The following SMYD3 variants were observed in gnomAD, a reference collection of about 807,000 sequenced individuals.
SMYD3 encodes the protein histone-lysine N-methyltransferase SMYD3.
Under a neutral mutation model 57.7 loss-of-function variants are expected in SMYD3, and 36 were observed. The ratio of observed to expected loss-of-function variants is 0.62; its 90% confidence interval spans 0.48 to 0.82. SMYD3 has a LOEUF of 0.82. Ranked by LOEUF, SMYD3 falls within the 40% of genes least tolerant of loss-of-function variation. The pLI is 0.00. For missense variants in SMYD3, 515 were observed against 538.8 expected, an observed-to-expected ratio of 0.96 and a Z score of 0.44; for synonymous variants, 211 against 195.0, an observed-to-expected ratio of 1.08 and a Z score of -0.68.
At chr1:246,457,464 C>T (rs2067715566) in intron 1 of SMYD3, among the ~76,000 whole-genome samples, 1 of 136,236 alleles carries the variant, frequency 7.3e-6, no homozygotes, top group Non-Finnish European at 1.5e-5. Flanking sequence ...ACCTGGGATG[C>T]GGAGGGTGCA....
chr1:245,793,404 C>T (rs375078598), intron 10 of SMYD3, among the ~76,000 whole-genome samples: 11 of 152,272 alleles, frequency 7.2e-5, no homozygotes, highest in South Asian at 2.1e-4. Flanking sequence ...ACTAATTTGA[C>T]CATGCTTTCC....
At chr1:246,174,112 C>G (rs950143545) in intron 5 of SMYD3, among the ~76,000 whole-genome samples, 1 of 151,950 alleles carries the variant, frequency 6.6e-6, no homozygotes, top group East Asian at 1.9e-4. Flanking sequence ...ATCTGGCCAA[C>G]TTTATTTTTT....
At chr1:246,265,985 G>T (rs1253947317) in intron 5 of SMYD3, among the ~76,000 whole-genome samples, 1 of 152,124 alleles carries the variant, frequency 6.6e-6, no homozygotes, top group East Asian at 1.9e-4. Flanking sequence ...CCTTGTATTT[G>T]CTATTACAAA....
intron 4 of SMYD3, among the ~76,000 whole-genome samples, chr1:246,328,922 C>A (rs568070366): frequency 6.6e-6 from 1 of 151,500 alleles, no homozygotes; most frequent in Non-Finnish European, 1.5e-5. Context: ...TTCCCACCTA[C>A]GAGTGAGAAT....
chr1:246,234,802 C>T (rs1269235217), intron 5 of SMYD3, among the ~76,000 whole-genome samples: 1 of 151,994 alleles, frequency 6.6e-6, no homozygotes, highest in Non-Finnish European at 1.5e-5. Context: ...AGACAAGAAA[C>T]CTCTTTGACT....
chr1:246,404,112 C>T (rs376540520), intron 1 of SMYD3, among the ~76,000 whole-genome samples: 5 of 152,192 alleles, frequency 3.3e-5, no homozygotes, highest in East Asian at 1.9e-4. Context: ...ATCTTAAATT[C>T]GAATCACAAT....
chr1:246,302,086 G>A (rs952574442), intron 5 of SMYD3, among the ~76,000 whole-genome samples: 1 of 152,152 alleles, frequency 6.6e-6, no homozygotes, highest in Non-Finnish European at 1.5e-5. Flanking sequence ...GTGCATACCT[G>A]CCCCAAGCCC....
chr1:246,465,853 AC>A (rs2067874207), intron 1 of SMYD3, among the ~76,000 whole-genome samples: 1 of 152,168 alleles, frequency 6.6e-6, no homozygotes, highest in African/African-American at 2.4e-5. Context: ...GCTCACTGCA[AC>A]CTTGCCTCCT....
rs770396202 is a variant in SMYD3 at position 245,749,581 on chromosome 1, G to A, written c.1269C>T (p.Ala423=). 6.2e-7 allele frequency: 1 copy of A among 1,613,790 alleles called. No homozygotes were observed. Among genetic ancestry groups the A allele is most frequent in the Non-Finnish European group, 8.5e-7 (1 of 1,179,836 alleles). ...DLILLLEECD[A]NIRAS is the part of the protein sequence containing the mutation. ...CGTTCCCTTAGGATGCTCTGATGTT[G>A]GCGTCGCATTCTTCTAAAAGTAGAA... is the stretch of plus-strand genomic sequence containing the variant. The change falls in exon 12 of 12, where the codon GCC becomes GCT. Residue 423 remains alanine (A), a synonymous_variant. Coordinates refer to ENST00000490107, the MANE Select transcript of SMYD3 (RefSeq NM_001167740.2).
Position 246,299,046 on chromosome 1 carries a change from C to G in SMYD3, c.531+28155G>C, listed in dbSNP as rs1179264374. Among the ~76,000 whole-genome samples, 5 of 152,188 alleles carry G rather than the reference C, an allele frequency of 3.3e-5. No homozygotes were observed. The East Asian group carries it at 9.7e-4, about 29-fold the overall frequency. On this transcript the variant is annotated intron_variant, in intron 5 of 11. Transcript: ENST00000490107. ...AATGCAATATATATTAGAGCACAAC[C>G]TGGCAACATATATAAAAATGTAAAA...
intron 5 of SMYD3, among the ~76,000 whole-genome samples, chr1:246,311,433 A>G (rs1462956823): frequency 6.6e-6 from 1 of 152,270 alleles, no homozygotes; most frequent in Non-Finnish European, 1.5e-5. Context: ...TATCTCCAGG[A>G]AAGGATTTAC....
At chr1:245,821,487 C>G (rs1443787509) in intron 10 of SMYD3, among the ~76,000 whole-genome samples, 1 of 146,126 alleles carries the variant, frequency 6.8e-6, no homozygotes, top group Non-Finnish European at 1.5e-5. Flanking sequence ...TAGGCATGGG[C>G]AAGGACTTCA....
At chr1:246,391,463 G>C (rs1049713475) in intron 1 of SMYD3, among the ~76,000 whole-genome samples, 10 of 151,086 alleles carry the variant, frequency 6.6e-5, no homozygotes, top group African/African-American at 1.9e-4. Context: ...AAAAAGGAGA[G>C]GGGGAGAGAG....
At chr1:246,422,420 CT>C (rs35417324) in intron 1 of SMYD3, among the ~76,000 whole-genome samples, 48,029 of 151,012 alleles carry the variant, frequency 0.32, 7,953 homozygotes, top group East Asian at 0.35. Context: ...CAATGTTTGC[CT>C]TTTTTTTTAA....
intron 1 of SMYD3, among the ~76,000 whole-genome samples, chr1:246,447,870 G>A (rs1014953716): frequency 1.3e-5 from 2 of 152,142 alleles, no homozygotes; most frequent in Non-Finnish European, 2.9e-5. Flanking sequence ...GAAGAGGTGA[G>A]GAGATCAAAA....
chr1:246,074,489 C>T lies in SMYD3; in HGVS notation c.532-144552G>A, dbSNP rs1020261577. On this transcript the variant is annotated intron_variant, in intron 5 of 11. Coordinates refer to ENST00000490107, the MANE Select transcript of SMYD3 (RefSeq NM_001167740.2). Reference sequence around the variant, plus strand: ...ATATAACAACTATAAGCTCTGGATTCGACATTTAAAAAAACTAACTGAAGG... The same window carrying T: ...ATATAACAACTATAAGCTCTGGATTTGACATTTAAAAAAACTAACTGAAGG... Among the ~76,000 whole-genome samples, 18 of 151,934 alleles carry T rather than the reference C, an allele frequency of 1.2e-4. 1 individual carries two copies. Among genetic ancestry groups the T allele is most frequent in the African/African-American group, 4.1e-4 (17 of 41,416 alleles).
At chr1:246,184,820 C>A (rs1043823908) in intron 5 of SMYD3, among the ~76,000 whole-genome samples, 1 of 152,114 alleles carries the variant, frequency 6.6e-6, no homozygotes, top group Non-Finnish European at 1.5e-5. Context: ...TGGGCCAGAA[C>A]CTTGTCTTAG....
intron 5 of SMYD3, among the ~76,000 whole-genome samples, chr1:246,290,759 C>T (rs2064674030): frequency 6.6e-6 from 1 of 151,950 alleles, no homozygotes; most frequent in South Asian, 2.1e-4. Context: ...TTACCTTGCC[C>T]AGCTGGTGGA....
intron 5 of SMYD3, among the ~76,000 whole-genome samples, chr1:246,277,473 C>A (rs78647076): frequency 0.053 from 8,053 of 152,102 alleles, 279 homozygotes; most frequent in African/African-American, 0.087. Context: ...ACCACCACCA[C>A]CACCAACAAC....
Sources: allele counts gnomAD v4.1 joint callset (sites outside exome capture counted in the v4.1 genomes callset), GRCh38; gene constraint gnomAD v4.1.1; transcripts MANE v1.5; gene names NCBI Gene and HGNC (gene_info 2026-07-23, HGNC 2026-07-21).